PKIA: variants seen among roughly 807,000 people sequenced by gnomAD.
PKIA encodes the protein PKI-alpha.
In PKIA, 4 loss-of-function variants were observed where a neutral mutation model predicts 7.6. The ratio of observed to expected loss-of-function variants is 0.52; its 90% CI spans 0.26 to 1.20. PKIA has a LOEUF of 1.20. Ranked by LOEUF, PKIA falls within the 50% of genes most tolerant of loss-of-function variation. The pLI, the probability that PKIA is intolerant of heterozygous loss-of-function variation, is 0.13. For synonymous variants in PKIA, 21 were observed against 30.7 expected, an observed-to-expected ratio of 0.68 and a Z score of 1.04; for missense variants, 73 against 86.2, an observed-to-expected ratio of 0.85 and a Z score of 0.61.
chr8:78,538,066 T>C (rs1563570881), intron 1 of PKIA, among the ~76,000 whole-genome samples: 1 of 151,948 alleles, frequency 6.6e-6, no homozygotes. Flanking sequence ...TCATACCCTA[T>C]GCTGGCCCTA....
Position 78,602,709 on chromosome 8 carries a change from A to ATTTTTT in PKIA, c.*889_*890insTTTTTT, listed in dbSNP as rs1256060922. ...TCTCCCACATAATATATATATATAT[A>ATTTTTT]TATATTTTAATTTATGAGAATTTTG... On this transcript the variant is annotated 3_prime_UTR_variant, in exon 4 of 4. Transcript: ENST00000396418. 1.3e-5 allele frequency: 2 copies of ATTTTTT among 148,632 alleles called. No individual in the cohort carries two copies. The highest frequency in any genetic ancestry group is 4.9e-5 in the African/African-American group (2 of 40,600). The allele number at this position is 148,632 out of a possible 1,614,324, so 9.2% of individuals were successfully genotyped here.
intron 1 of PKIA, among the ~76,000 whole-genome samples, chr8:78,571,948 T>C (rs1027925261): frequency 1.2e-4 from 19 of 152,054 alleles, no homozygotes; most frequent in African/African-American, 4.6e-4. Context: ...TATATGAGAA[T>C]GGCCAATAAG....
In PKIA at chr8:78,516,417, T is replaced by A. The variant is rs1288428899; in HGVS notation, c.-208T>A. The A allele has an allele frequency of 6.6e-6, 1 of 152,282 alleles. No homozygotes were observed. The highest frequency in any genetic ancestry group is 1.5e-5 in the Non-Finnish European group (1 of 68,150). The allele number at this position is 152,282 out of a possible 1,614,324, so 9.4% of individuals were successfully genotyped here. A position where few individuals can be genotyped will look rare whatever the true frequency, so the allele number is the denominator to read the frequency against. On this transcript the variant is annotated 5_prime_UTR_variant, in exon 1 of 4. Coordinates refer to ENST00000396418, the MANE Select transcript of PKIA (RefSeq NM_006823.4). The stretch of plus-strand genomic sequence containing the variant: ...GAGCACTCGGCGGGCGCGGCGGGAC[T>A]GCGGCCCGTGGCGGCGTGCGCGGGG...
At chr8:78,555,055 C>T (rs1269074614) in intron 1 of PKIA, among the ~76,000 whole-genome samples, 1 of 151,962 alleles carries the variant, frequency 6.6e-6, no homozygotes, top group East Asian at 1.9e-4. Context: ...TCATATTATA[C>T]ATTCTGTAAT....
At chr8:78,551,606 T>C (rs541163493) in intron 1 of PKIA, among the ~76,000 whole-genome samples, 2 of 152,100 alleles carry the variant, frequency 1.3e-5, no homozygotes, top group East Asian at 3.9e-4. Context: ...AAAAATAGAA[T>C]CTATGCAGTA....
At chr8:78,562,380 T>C (rs1399614632) in intron 1 of PKIA, among the ~76,000 whole-genome samples, 3 of 152,166 alleles carry the variant, frequency 2.0e-5, no homozygotes. Context: ...CAAAGTAATC[T>C]CTTTAAAACC....
At chr8:78,564,888 A>T (rs184929928) in intron 1 of PKIA, among the ~76,000 whole-genome samples, 230 of 152,064 alleles carry the variant, frequency 1.5e-3, no homozygotes, top group Non-Finnish European at 2.8e-3. Flanking sequence ...AACTATGTAA[A>T]CATGACTATT....
In PKIA at chr8:78,524,673, C is replaced by T. The variant is rs189242995; in HGVS notation, c.-157+8205C>T. Among the ~76,000 whole-genome samples, 149 of 151,862 alleles carry T rather than the reference C, an allele frequency of 9.8e-4. 1 individual carries two copies. Among genetic ancestry groups the T allele is most frequent in the African/African-American group, 3.4e-3 (142 of 41,476 alleles). ...TAAATTACATTTTTTTCATCTTCTC[C>T]ATATTAGAGAATAACTCAGGATTTC... On this transcript the variant is annotated intron_variant, in intron 1 of 3. Transcript: ENST00000396418.
intron 2 of PKIA, among the ~76,000 whole-genome samples, chr8:78,590,967 G>A (rs908815353): frequency 2.0e-5 from 3 of 152,178 alleles, no homozygotes; most frequent in Non-Finnish European, 2.9e-5. Context: ...AGTCAAAGTT[G>A]AGAAGTTATA....
At chr8:78,562,096 C>A (rs1807299882) in intron 1 of PKIA, among the ~76,000 whole-genome samples, 1 of 152,128 alleles carries the variant, frequency 6.6e-6, no homozygotes, top group Non-Finnish European at 1.5e-5. Context: ...TCTTATCGAG[C>A]CTCCAGTTAA....
intron 1 of PKIA, among the ~76,000 whole-genome samples, chr8:78,532,593 G>A (rs1322056266): frequency 6.6e-6 from 1 of 151,632 alleles, no homozygotes. Context: ...CTATTGCATC[G>A]GGTCACTGTG....
chr8:78,601,152 T>C (rs1244137388), intron 3 of PKIA, among the ~76,000 whole-genome samples: 1 of 151,976 alleles, frequency 6.6e-6, no homozygotes, highest in Non-Finnish European at 1.5e-5. Flanking sequence ...ATTGTGCACA[T>C]GTTCTCTAAG....
At chr8:78,525,412 C>T (rs536349899) in intron 1 of PKIA, among the ~76,000 whole-genome samples, 3 of 151,890 alleles carry the variant, frequency 2.0e-5, no homozygotes, top group South Asian at 2.1e-4. Flanking sequence ...CACATCTTCA[C>T]GAGATATGTT....
intron 1 of PKIA, among the ~76,000 whole-genome samples, chr8:78,530,723 T>G (rs1207760244): frequency 6.6e-6 from 1 of 152,096 alleles, no homozygotes; most frequent in African/African-American, 2.4e-5. Flanking sequence ...ACACATTTAC[T>G]AGTTCTAATT....
chr8:78,590,018 G>A (rs1808056281), intron 2 of PKIA, among the ~76,000 whole-genome samples: 1 of 152,180 alleles, frequency 6.6e-6, no homozygotes, highest in Admixed American at 6.5e-5. Context: ...AATGAACAAA[G>A]TGAGCTTGTC....
chr8:78,520,521 C>T (rs1389830944), intron 1 of PKIA, among the ~76,000 whole-genome samples: 3 of 152,146 alleles, frequency 2.0e-5, no homozygotes, highest in African/African-American at 7.2e-5. Context: ...ACTAAGAAAA[C>T]TGAGGCTCAG....
At chr8:78,569,539 T>C (rs1046514389) in intron 1 of PKIA, among the ~76,000 whole-genome samples, 1 of 152,034 alleles carries the variant, frequency 6.6e-6, no homozygotes, top group African/African-American at 2.4e-5. Context: ...CTTCTAAAAA[T>C]AATAAGTTAA....
At chr8:78,597,279 T>A (rs1808246853) in intron 2 of PKIA, among the ~76,000 whole-genome samples, 1 of 152,200 alleles carries the variant, frequency 6.6e-6, no homozygotes, top group Admixed American at 6.5e-5. Context: ...AGTATGGCCA[T>A]TTTAATGATA....
chr8:78,530,604 T>C (rs1230977004), intron 1 of PKIA, among the ~76,000 whole-genome samples: 2 of 152,058 alleles, frequency 1.3e-5, no homozygotes, highest in Non-Finnish European at 2.9e-5. Context: ...GTTGCATTGC[T>C]TAAAAAATAA....
Sources: allele counts gnomAD v4.1 joint callset (sites outside exome capture counted in the v4.1 genomes callset), GRCh38; gene constraint gnomAD v4.1.1; transcripts MANE v1.5; gene names NCBI Gene and HGNC (gene_info 2026-07-23, HGNC 2026-07-21).